TMED3: variants seen among roughly 807,000 people sequenced by gnomAD.
TMED3 encodes transmembrane p24 trafficking protein 3, also known as transmembrane emp24 domain-containing protein 3.
A neutral mutation model predicts 15.0 loss-of-function variants in TMED3; 9 were observed. The ratio of observed to expected loss-of-function variants is 0.60; its 90% CI spans 0.36 to 1.04. The LOEUF (loss-of-function observed/expected upper bound fraction) is 1.04. Among genes scored for constraint, TMED3 ranks in the 50% least tolerant of loss-of-function variants. TMED3 has a pLI of 0.01. For missense variants in TMED3, 267 were observed against 278.9 expected, an observed-to-expected ratio of 0.96 and a Z score of 0.30; for synonymous variants, 117 against 121.4, an observed-to-expected ratio of 0.96 and a Z score of 0.24.
intron 2 of TMED3, among the ~76,000 whole-genome samples, chr15:79,363,690 G>A (rs1163945922): frequency 1.3e-5 from 2 of 152,096 alleles, no homozygotes; most frequent in Non-Finnish European, 2.9e-5. Context: ...CTTTTAAAAG[G>A]AAATTGTTAA....
At chr15:79,398,090 A>G (rs1474884916) in intron 2 of TMED3, among the ~76,000 whole-genome samples, 2 of 152,168 alleles carry the variant, frequency 1.3e-5, no homozygotes, top group East Asian at 3.9e-4. Context: ...TCATTATAGT[A>G]TCATACAGAG....
intron 2 of TMED3, among the ~76,000 whole-genome samples, chr15:79,374,646 C>T (rs1257096165): frequency 6.6e-6 from 1 of 152,144 alleles, no homozygotes; most frequent in Non-Finnish European, 1.5e-5. Context: ...TCTCCCATCC[C>T]CAATGTCTCT....
intron 2 of TMED3, among the ~76,000 whole-genome samples, chr15:79,317,984 G>A (rs1281754611): frequency 2.0e-5 from 3 of 152,164 alleles, no homozygotes; most frequent in Admixed American, 1.3e-4. Context: ...CTTGGACCTC[G>A]AGGCCCTTTA....
intron 2 of TMED3, among the ~76,000 whole-genome samples, chr15:79,360,061 TAGTG>T (rs1391990541): frequency 4.6e-5 from 7 of 152,218 alleles, no homozygotes; most frequent in African/African-American, 1.7e-4. Context: ...TCTCAATTGT[TAGTG>T]AGACTGCGGG....
chr15:79,335,794 G>A (rs896259480), intron 2 of TMED3, among the ~76,000 whole-genome samples: 3 of 152,212 alleles, frequency 2.0e-5, no homozygotes, highest in South Asian at 2.1e-4. Context: ...AAGAGAAAAT[G>A]TAAACGCTAG....
intron 2 of TMED3, among the ~76,000 whole-genome samples, chr15:79,365,970 A>G (rs1893227494): frequency 1.3e-5 from 2 of 152,182 alleles, no homozygotes; most frequent in Admixed American, 1.3e-4. Flanking sequence ...AGTCCTAATT[A>G]GGGAAAAGGA....
At chr15:79,411,752 G>T (rs940970087) in exon 3 of TMED3, 1 of 456,488 alleles carries the variant, frequency 2.2e-6, no homozygotes. Context: ...AGAGTTGCTT[G>T]GAGAAGTGGT....
chr15:79,343,049 T>C (rs975400401), intron 2 of TMED3, among the ~76,000 whole-genome samples: 1 of 152,086 alleles, frequency 6.6e-6, no homozygotes, highest in Non-Finnish European at 1.5e-5. Flanking sequence ...GAAAGAGCAA[T>C]TGCAAAGGTC....
In TMED3 at chr15:79,319,216, C is replaced by G. The variant is rs138244052; in HGVS notation, c.418-2762C>G. Among the ~76,000 whole-genome samples, 344 of 152,370 alleles carry G rather than the reference C, an allele frequency of 2.3e-3. 8 individuals carry two copies. The East Asian group carries it at 0.056, about 25-fold the overall frequency. On this transcript the variant is annotated intron_variant, in intron 2 of 2. Coordinates refer to ENST00000299705, the MANE Select transcript of TMED3 (RefSeq NM_007364.4). ...CCTTTCTACGTGTGACATTTCACCACTTCTTACACATGGACCTGGATGAGA... is the reference window on the plus strand; with the variant it reads ...CCTTTCTACGTGTGACATTTCACCAGTTCTTACACATGGACCTGGATGAGA...
chr15:79,348,745 C>G (rs1264148485), intron 2 of TMED3, among the ~76,000 whole-genome samples: 1 of 152,198 alleles, frequency 6.6e-6, no homozygotes, highest in East Asian at 1.9e-4. Context: ...AACCTCTTTT[C>G]TATAATGGCT....
At chr15:79,341,452 A>G (rs1359564568) in intron 2 of TMED3, among the ~76,000 whole-genome samples, 1 of 152,110 alleles carries the variant, frequency 6.6e-6, no homozygotes, top group Non-Finnish European at 1.5e-5. Context: ...ATATACTACA[A>G]ATCCCATAAG....
At chr15:79,392,648 A>G (rs28421108) in intron 2 of TMED3, among the ~76,000 whole-genome samples, 1,534 of 152,128 alleles carry the variant, frequency 0.01, 24 homozygotes, top group African/African-American at 0.034. Context: ...AACTCTTTCT[A>G]CTGTTTATTA....
At chr15:79,353,243 ATACT>A (rs2058902442) in intron 2 of TMED3, among the ~76,000 whole-genome samples, 6 of 74,446 alleles carry the variant, frequency 8.1e-5, no homozygotes, top group Admixed American at 2.4e-4. Flanking sequence ...TAAAATATAT[ATACT>A]ATATATAATA....
At chr15:79,387,712 A>G (rs1207586725) in intron 2 of TMED3, among the ~76,000 whole-genome samples, 1 of 152,182 alleles carries the variant, frequency 6.6e-6, no homozygotes, top group Non-Finnish European at 1.5e-5. Flanking sequence ...ACATCTTTGC[A>G]AGACAGTTTT....
intron 2 of TMED3, chr15:79,384,120 T>C (rs1360769538): frequency 6.6e-6 from 1 of 152,226 alleles, no homozygotes; most frequent in Non-Finnish European, 1.5e-5. Context: ...TAAAAGCTTC[T>C]TCTCAAACAT....
At chr15:79,381,323 C>A (rs932041985) in intron 2 of TMED3, among the ~76,000 whole-genome samples, 1 of 152,146 alleles carries the variant, frequency 6.6e-6, no homozygotes, top group Non-Finnish European at 1.5e-5. Context: ...TGCACACAGA[C>A]CCCATGAACC....
At chr15:79,373,750 C>T (rs530670455) in intron 2 of TMED3, among the ~76,000 whole-genome samples, 1 of 152,154 alleles carries the variant, frequency 6.6e-6, no homozygotes. Flanking sequence ...TGGTTTTATA[C>T]AGGGGAAACA....
intron 2 of TMED3, among the ~76,000 whole-genome samples, chr15:79,391,042 T>C (rs1332518997): frequency 6.6e-6 from 1 of 152,132 alleles, no homozygotes; most frequent in Non-Finnish European, 1.5e-5. Context: ...AGCTTTTTGT[T>C]TCATTTATCT....
chr15:79,326,426 T>C (rs1253678823), downstream of TMED3, among the ~76,000 whole-genome samples: 1 of 152,174 alleles, frequency 6.6e-6, no homozygotes, highest in Non-Finnish European at 1.5e-5. Flanking sequence ...CTAGTTTAAT[T>C]AATAGCAAGA....
Sources: allele counts gnomAD v4.1 joint callset (sites outside exome capture counted in the v4.1 genomes callset), GRCh38; gene constraint gnomAD v4.1.1; transcripts MANE v1.5; gene names NCBI Gene and HGNC (gene_info 2026-07-23, HGNC 2026-07-21).